RHBDD1: variants seen among roughly 807,000 people sequenced by gnomAD.
The protein encoded by RHBDD1 is rhomboid domain containing 1, also known as rhomboid-related protein 4.
In RHBDD1, 38 loss-of-function variants were observed where a neutral mutation model predicts 36.3. The observed-to-expected ratio is 1.05, with a 90% confidence interval of 0.81 to 1.37. RHBDD1 has a LOEUF of 1.37. Among genes scored for constraint, RHBDD1 ranks in the 40% most tolerant of loss-of-function variants. RHBDD1 has a pLI of 0.00. For missense variants in RHBDD1, 393 were observed against 377.6 expected (o/e 1.04, Z -0.34); for synonymous variants, 151 against 136.5 (o/e 1.11, Z -0.74).
intron 8 of RHBDD1, among the ~76,000 whole-genome samples, chr2:226,960,900 A>G (rs78548582): frequency 0.015 from 2,271 of 152,320 alleles, 47 homozygotes; most frequent in African/African-American, 0.052. Context: ...CTCCTTTTGT[A>G]GATGGTTGCT....
At chr2:226,890,666 C>T (rs1173388752) in intron 5 of RHBDD1, among the ~76,000 whole-genome samples, 1 of 152,182 alleles carries the variant, frequency 6.6e-6, no homozygotes, top group East Asian at 1.9e-4. Flanking sequence ...GTGTTACATA[C>T]ATTCCAATTA....
chr2:226,982,980 T>C (rs1319403244), intron 8 of RHBDD1, among the ~76,000 whole-genome samples: 1 of 152,172 alleles, frequency 6.6e-6, no homozygotes, highest in Non-Finnish European at 1.5e-5. Context: ...TCATCCAAGG[T>C]TGAGCATAGC....
chr2:226,905,842 G>A (rs1238238215), intron 5 of RHBDD1, among the ~76,000 whole-genome samples: 7 of 152,266 alleles, frequency 4.6e-5, no homozygotes, highest in Non-Finnish European at 1.0e-4. Flanking sequence ...CGGGAAGTGG[G>A]AGTGGCACCC....
chr2:226,863,043 C>T (rs1227229339), intron 3 of RHBDD1, among the ~76,000 whole-genome samples: 1 of 152,182 alleles, frequency 6.6e-6, no homozygotes, highest in Non-Finnish European at 1.5e-5. Flanking sequence ...ACTTCCAATA[C>T]TGGGGATCGG....
chr2:226,848,371 A>C (rs930523829), intron 3 of RHBDD1, among the ~76,000 whole-genome samples: 5 of 152,218 alleles, frequency 3.3e-5, no homozygotes, highest in African/African-American at 1.2e-4. Flanking sequence ...TTCTTGGGAA[A>C]GACTATTCCT....
At chr2:226,826,162 T>G in the RHBDD1 span, among the ~76,000 whole-genome samples, 21 of 152,314 alleles carry the variant, frequency 1.4e-4, no homozygotes, top group East Asian at 4.0e-3. Flanking sequence ...GAGTAGAGAA[T>G]GAGGTTTCAT....
intron 8 of RHBDD1, among the ~76,000 whole-genome samples, chr2:226,971,275 CAAGT>C (rs1305413267): frequency 6.6e-6 from 1 of 152,124 alleles, no homozygotes; most frequent in Non-Finnish European, 1.5e-5. Context: ...GGTGAATGCC[CAAGT>C]GAGTGAGAGA....
upstream of RHBDD1, among the ~76,000 whole-genome samples, chr2:226,833,656 A>G (rs1273499002): frequency 6.6e-6 from 1 of 152,206 alleles, no homozygotes; most frequent in African/African-American, 2.4e-5. Flanking sequence ...TGATTAAGAT[A>G]TATACTTTCC....
At chr2:226,912,494 T>G (rs913458665) in intron 7 of RHBDD1, among the ~76,000 whole-genome samples, 2 of 152,132 alleles carry the variant, frequency 1.3e-5, no homozygotes, top group African/African-American at 4.8e-5. Context: ...AAATGTGGTA[T>G]AAGCCATACA....
chr2:226,942,167 G>A lies in RHBDD1; in HGVS notation c.856+27816G>A, dbSNP rs1275907064. ...TGGTTTTCTTGTAAGTCTGTAGCCTGTCATATAATTGGCCCATGTAACTTA... is the reference window on the plus strand; with the variant it reads ...TGGTTTTCTTGTAAGTCTGTAGCCTATCATATAATTGGCCCATGTAACTTA... On this transcript the variant is annotated intron_variant, in intron 8 of 8. Transcript: ENST00000392062. Among the ~76,000 whole-genome samples, 3 of 151,786 alleles carry A rather than the reference G, an allele frequency of 2.0e-5. No homozygotes were observed. The East Asian group carries it at 5.8e-4, about 29-fold the overall frequency.
chr2:226,876,709 C>T (rs1466747504), intron 5 of RHBDD1, among the ~76,000 whole-genome samples: 3 of 151,816 alleles, frequency 2.0e-5, no homozygotes, highest in Non-Finnish European at 2.9e-5. Flanking sequence ...TTGAGGACCT[C>T]AAAGAGTTTT....
intron 5 of RHBDD1, among the ~76,000 whole-genome samples, chr2:226,873,709 T>C (rs975804770): frequency 3.2e-4 from 48 of 151,992 alleles, no homozygotes; most frequent in Admixed American, 1.9e-3. Flanking sequence ...GAATAGAAAT[T>C]GGTAGTCAGA....
At chr2:226,961,871 A>T (rs1270809263) in intron 8 of RHBDD1, among the ~76,000 whole-genome samples, 1 of 152,126 alleles carries the variant, frequency 6.6e-6, no homozygotes, top group African/African-American at 2.4e-5. Context: ...CATTTTTGTG[A>T]TCCCCATTTT....
At chr2:226,925,885 A>G (rs1949633985) in intron 8 of RHBDD1, among the ~76,000 whole-genome samples, 1 of 152,012 alleles carries the variant, frequency 6.6e-6, no homozygotes, top group Non-Finnish European at 1.5e-5. Context: ...TCAAGGAGGT[A>G]TGGTTTGCAG....
At chr2:226,982,030 T>A (rs1439551064) in intron 8 of RHBDD1, among the ~76,000 whole-genome samples, 2 of 152,262 alleles carry the variant, frequency 1.3e-5, no homozygotes, top group Non-Finnish European at 2.9e-5. Context: ...ATGGCTATCA[T>A]ACTTTTGATA....
rs180954569 is a variant in RHBDD1 at position 226,970,789 on chromosome 2, C to T, written c.857-24642C>T. 3.3e-4 allele frequency among the ~76,000 whole-genome samples: 51 copies of T among 152,272 alleles called. 1 individual carries two copies. The highest frequency in any genetic ancestry group is 2.6e-4 in the Non-Finnish European group (18 of 68,020). On this transcript the variant is annotated intron_variant, in intron 8 of 8. Transcript: ENST00000392062. ...ATAAAGAAATTGAGGCTCAGGGATGCGACTTTCTTCAGTATTTCACAAGGC... is the reference window on the plus strand; with the variant it reads ...ATAAAGAAATTGAGGCTCAGGGATGTGACTTTCTTCAGTATTTCACAAGGC...
chr2:226,984,054 A>C (rs1390396794), intron 8 of RHBDD1, among the ~76,000 whole-genome samples: 5 of 152,154 alleles, frequency 3.3e-5, no homozygotes, highest in Admixed American at 6.5e-5. Flanking sequence ...TGTCTCCGGC[A>C]ATTATGAAGC....
the RHBDD1 span, among the ~76,000 whole-genome samples, chr2:226,808,014 CA>C: frequency 0.078 from 10,990 of 141,364 alleles, 453 homozygotes; most frequent in Middle Eastern, 0.14. Flanking sequence ...GACTCTGTCT[CA>C]AAAAAAAAAA....
At chr2:226,918,464 C>T (rs1056396271) in intron 8 of RHBDD1, among the ~76,000 whole-genome samples, 2 of 151,908 alleles carry the variant, frequency 1.3e-5, no homozygotes, top group Non-Finnish European at 2.9e-5. Context: ...TTCATTTCTG[C>T]TCATCCTCCA....
Sources: gnomAD v4.1 joint callset for allele counts (sites outside exome capture counted in the v4.1 genomes callset) on GRCh38, gnomAD v4.1.1 for gene constraint, MANE v1.5 for transcripts, NCBI Gene and HGNC (gene_info 2026-07-23, HGNC 2026-07-21) for gene names.